PCDHGB6: variants seen among roughly 807,000 people sequenced by gnomAD.
PCDHGB6 encodes protocadherin gamma subfamily B, 6, also known as protocadherin gamma-B6.
PCDHGB6 carries 51 observed loss-of-function variants against 59.1 expected under a neutral mutation model. The observed-to-expected ratio is 0.86, with a 90% confidence interval of 0.69 to 1.09. PCDHGB6 has a LOEUF of 1.09. PCDHGB6 is among the 50% of genes least tolerant of loss of function. PCDHGB6 has a pLI of 0.00. For missense variants in PCDHGB6, 1,148 were observed against 1,205.1 expected (o/e 0.95, Z 0.70); for synonymous variants, 466 against 495.1 (o/e 0.94, Z 0.78).
At chr5:141,501,516 C>T (rs763346187) in intron 2 of PCDHGB6, among the ~76,000 whole-genome samples, 1 of 152,010 alleles carries the variant, frequency 6.6e-6, no homozygotes, top group African/African-American at 2.4e-5. Context: ...GGCCTCCAAG[C>T]TGAAGCCCAG....
At chr5:141,424,945 C>A (rs2096849463) in intron 1 of PCDHGB6, among the ~76,000 whole-genome samples, 1 of 152,186 alleles carries the variant, frequency 6.6e-6, no homozygotes, top group Admixed American at 6.5e-5. Flanking sequence ...TCTCACATCA[C>A]TTCTAGGTAT....
rs1243327893 is a variant in PCDHGB6, at chr5:141,491,671, C to A, written c.2419-3136C>A. 2.5e-6 allele frequency: 4 copies of A among 1,613,366 alleles called. No homozygotes were observed. Among genetic ancestry groups the A allele is most frequent in the Non-Finnish European group, 3.4e-6 (4 of 1,179,808 alleles). On this transcript the variant is annotated intron_variant, in intron 1 of 3. Coordinates refer to ENST00000520790, the MANE Select transcript of PCDHGB6 (RefSeq NM_018926.3). The surrounding 1 kb of genome is among the most constrained non-coding windows in gnomAD (Gnocchi z 6.9). Reference sequence around the variant, plus strand: ...GCTGGAGCCTGACGCCATCCGGTCCCGCTCTAATACGCTGCGGGAGCGGAG... The same window carrying A: ...GCTGGAGCCTGACGCCATCCGGTCCAGCTCTAATACGCTGCGGGAGCGGAG...
At chr5:141,415,772 T>TTTTTTTTG in intron 1 of PCDHGB6, 1 of 1,332,986 alleles carries the variant, frequency 7.5e-7, no homozygotes. Context: ...TTTTTTTTTT[T>TTTTTTTTG]ACTTTCTGGT....
chr5:141,441,918 C>A (rs1183933153), intron 1 of PCDHGB6: 8 of 351,246 alleles, frequency 2.3e-5, no homozygotes, highest in African/African-American at 1.1e-4. Flanking sequence ...ATGTGAGACA[C>A]AATGCGTGGC....
chr5:141,464,200 G>C (rs1331779739), intron 1 of PCDHGB6, among the ~76,000 whole-genome samples: 1 of 149,856 alleles, frequency 6.7e-6, no homozygotes, highest in Non-Finnish European at 1.5e-5. Flanking sequence ...AGGAGGCGGA[G>C]ATTGCAGTGA....
Position 141,489,089 on chromosome 5 carries a change from A to G in PCDHGB6, c.2419-5718A>G. 5.6e-5 allele frequency: 16 copies of G among 284,404 alleles called. No individual in the cohort carries two copies. The highest frequency in any genetic ancestry group is 9.0e-5 in the Non-Finnish European group (14 of 156,416). The allele number at this position is 284,404 out of a possible 1,614,324, so 17.6% of individuals were successfully genotyped here. On this transcript the variant is annotated intron_variant, in intron 1 of 3. Coordinates refer to ENST00000520790, the MANE Select transcript of PCDHGB6 (RefSeq NM_018926.3). The surrounding 1 kb of genome is among the most constrained non-coding windows in gnomAD (Gnocchi z 4.5). ...CCCTGCCCACCCCCGCCACTCGGTG[A>G]CTAAGAACTGCTGCAAGCAGGCAAA...
chr5:141,489,894 G>T lies in PCDHGB6; in HGVS notation c.2419-4913G>T. 1.2e-6 allele frequency: 2 copies of T among 1,614,204 alleles called. No homozygotes were observed. Among genetic ancestry groups the T allele is most frequent in the Non-Finnish European group, 1.7e-6 (2 of 1,180,028 alleles). The stretch of plus-strand genomic sequence containing the variant: ...TGGTGCTTACTGCTGTGGATGGGGG[G>T]ACCCCAGCCCGCTCAGGGACCACCC... On this transcript the variant is annotated intron_variant, in intron 1 of 3. Transcript: ENST00000520790. The surrounding 1 kb of genome is among the most constrained non-coding windows in gnomAD (Gnocchi z 4.5).
chr5:141,430,216 A>G (rs1487666733), intron 1 of PCDHGB6, among the ~76,000 whole-genome samples: 1 of 150,536 alleles, frequency 6.6e-6, no homozygotes, highest in Non-Finnish European at 1.5e-5. Flanking sequence ...TTATTATATT[A>G]TATGATTTGT....
chr5:141,449,681 G>A (rs2098651836), intron 1 of PCDHGB6, among the ~76,000 whole-genome samples: 1 of 149,394 alleles, frequency 6.7e-6, no homozygotes, highest in Non-Finnish European at 1.5e-5. Context: ...ATGTATATAT[G>A]TTTGTGTGTA....
chr5:141,449,622 T>A (rs889336036), intron 1 of PCDHGB6, among the ~76,000 whole-genome samples: 1 of 150,910 alleles, frequency 6.6e-6, no homozygotes, highest in African/African-American at 2.4e-5. Context: ...AAAAGTTTTT[T>A]AAAAAGATGT....
Position 141,486,277 on chromosome 5 carries a change from G to A in PCDHGB6, c.2419-8530G>A, listed in dbSNP as rs1156704202. 6.2e-7 allele frequency: 1 copy of A among 1,614,020 alleles called. No individual in the cohort carries two copies. The highest frequency in any genetic ancestry group is 1.1e-5 in the South Asian group (1 of 91,056). ...CCGAGAGTGCAGAACCTGGCACTGT[G>A]GTGGCACTTATCAGTGTGCAGGATC... On this transcript the variant is annotated intron_variant, in intron 1 of 3. Transcript: ENST00000520790. The surrounding 1 kb of genome is among the most constrained non-coding windows in gnomAD (Gnocchi z 5.0).
rs767291767 is a variant in PCDHGB6, at chr5:141,487,668, T to C, written c.2419-7139T>C. ...CTTGAGGGTTATTCTGATCCAGGCA[T>C]ATGGCTAGGCCATGTCCTAGAGAGT... is the stretch of plus-strand genomic sequence containing the variant. On this transcript the variant is annotated intron_variant, in intron 1 of 3. Transcript: ENST00000520790. The surrounding 1 kb of genome is among the most constrained non-coding windows in gnomAD (Gnocchi z 5.0). 1.9e-6 allele frequency: 3 copies of C among 1,612,658 alleles called. No homozygotes were observed. Among genetic ancestry groups the C allele is most frequent in the South Asian group, 1.1e-5 (1 of 90,650 alleles).
chr5:141,413,756 A>G, intron 1 of PCDHGB6: 1 of 1,613,042 alleles, frequency 6.2e-7, no homozygotes, highest in South Asian at 1.1e-5. Context: ...AATGGCGTCA[A>G]GTACCCGGAG....
At chr5:141,469,964 G>T (rs974494589) in intron 1 of PCDHGB6, among the ~76,000 whole-genome samples, 2 of 152,002 alleles carry the variant, frequency 1.3e-5, no homozygotes, top group Non-Finnish European at 2.9e-5. Flanking sequence ...AACCCCATCT[G>T]TACCAAAAAT....
Position 141,477,412 on chromosome 5 carries a change from C to T in PCDHGB6, c.2419-17395C>T. 6 of 1,614,168 alleles carry T rather than the reference C, an allele frequency of 3.7e-6. No individual in the cohort carries two copies. The highest frequency in any genetic ancestry group is 1.1e-5 in the South Asian group (1 of 91,082). On this transcript the variant is annotated intron_variant, in intron 1 of 3. Coordinates refer to ENST00000520790, the MANE Select transcript of PCDHGB6 (RefSeq NM_018926.3). This position sits in a 1 kb window ranked among gnomAD's most constrained non-coding sequence, Gnocchi z 4.9. ...ACCTCAGCATCACCGCCCGAGACGC[C>T]GGAACCCCTTCCCTCTCAGCCCTTA... is the stretch of plus-strand genomic sequence containing the variant.
chr5:141,457,417 CTTTT>C (rs894846890), intron 1 of PCDHGB6, among the ~76,000 whole-genome samples: 4 of 152,180 alleles, frequency 2.6e-5, no homozygotes, highest in Admixed American at 2.6e-4. Context: ...TTACCCATCC[CTTTT>C]TCCCCCCCAC....
chr5:141,473,219 G>A (rs1198994780), intron 1 of PCDHGB6, among the ~76,000 whole-genome samples: 2 of 151,864 alleles, frequency 1.3e-5, no homozygotes, highest in Non-Finnish European at 2.9e-5. Flanking sequence ...TTACTTCCAG[G>A]GAGATTGGAT....
rs1367772661 is a variant in PCDHGB6, at chr5:141,512,193, GGAAGCTC to G, written c.*1026_*1032del. 2.0e-5 allele frequency: 3 copies of G among 152,756 alleles called. No homozygotes were observed. Among genetic ancestry groups the G allele is most frequent in the Non-Finnish European group, 4.4e-5 (3 of 68,136 alleles). 9.5% of individuals were successfully genotyped at this position (152,756 alleles called of 1,614,324 possible). ...GGATTAAACTGGCATTTCAGTCCAAGGAAGCTCGAAGCAGGTTTAGGACCAGGTCCCC... is the reference window on the plus strand; with the variant it reads ...GGATTAAACTGGCATTTCAGTCCAAGGAAGCAGGTTTAGGACCAGGTCCCC... On this transcript the variant is annotated 3_prime_UTR_variant, in exon 4 of 4. Coordinates refer to ENST00000520790, the MANE Select transcript of PCDHGB6 (RefSeq NM_018926.3).
At chr5:141,471,302 C>T (rs111827070) in intron 1 of PCDHGB6, 9,302 of 152,168 alleles carry the variant, frequency 0.061, 339 homozygotes, top group South Asian at 0.12. Flanking sequence ...CCACCCAACT[C>T]GGCCTCCCAA....
Sources: allele counts gnomAD v4.1 joint callset (sites outside exome capture counted in the v4.1 genomes callset), GRCh38; gene constraint gnomAD v4.1.1; non-coding constraint Gnocchi (gnomAD v3.1); transcripts MANE v1.5; gene names NCBI Gene and HGNC (gene_info 2026-07-23, HGNC 2026-07-21).